Variants in MYOF observed in about 807,000 individuals in gnomAD.
MYOF encodes the protein fer-1-like 3, myoferlin.
In MYOF, 244 loss-of-function variants were observed where a neutral mutation model predicts 284.2. The observed-to-expected ratio is 0.86, with a 90% CI of 0.77 to 0.95. MYOF has a LOEUF of 0.95. Among genes scored for constraint, MYOF ranks in the 40% least tolerant of loss-of-function variants. The probability of loss-of-function intolerance (pLI) is 0.00; values close to 1 mark genes in which losing one functional copy is unlikely to be tolerated. For synonymous variants in MYOF, 904 were observed against 919.7 expected (o/e 0.98, Z 0.31); for missense variants, 2,496 against 2,560.6 (o/e 0.97, Z 0.54).
chr10:93,471,782 AG>A (rs1490940880), intron 1 of MYOF, among the ~76,000 whole-genome samples: 1 of 151,832 alleles, frequency 6.6e-6, no homozygotes, highest in Non-Finnish European at 1.5e-5. Flanking sequence ...CTAGCTACTC[AG>A]GAGGCTGAGG....
intron 2 of MYOF, among the ~76,000 whole-genome samples, chr10:93,452,684 C>A (rs947567701): frequency 2.6e-5 from 4 of 151,514 alleles, no homozygotes; most frequent in Admixed American, 2.6e-4. Context: ...TGCACATGTA[C>A]CCTAGAACTT....
At position 93,310,455 on chromosome 10, in the gene MYOF, C is replaced by T. The variant is rs555254649; in HGVS notation, c.5999+79G>A. The T allele has an allele frequency of 3.6e-5, 50 of 1,406,318 alleles. No individual in the cohort carries two copies. In the South Asian group the frequency reaches 4.5e-4, roughly 13 times the overall value. The allele number at this position is 1,406,318 out of a possible 1,614,324, so 87.1% of individuals were successfully genotyped here. On this transcript the variant is annotated intron_variant, in intron 52 of 53. Coordinates refer to ENST00000359263, the MANE Select transcript of MYOF (RefSeq NM_013451.4). ...ATTAGGAGGACCACAAAAGCTAATCCATCCCATTAAGCCAATGGGAAGGGG... is the reference window on the plus strand; with the variant it reads ...ATTAGGAGGACCACAAAAGCTAATCTATCCCATTAAGCCAATGGGAAGGGG...
intron 44 of MYOF, 70 bp downstream of exon 44, chr10:93,329,594 G>C: frequency 6.5e-7 from 1 of 1,540,998 alleles, no homozygotes; most frequent in East Asian, 2.2e-5. Flanking sequence ...CTAAGGTAGA[G>C]GGCCTAGGCC....
At chr10:93,466,810 C>CA (rs1163081354) in intron 1 of MYOF, among the ~76,000 whole-genome samples, 2 of 152,222 alleles carry the variant, frequency 1.3e-5, no homozygotes, top group South Asian at 2.1e-4. Context: ...TCCATCTCTA[C>CA]AAAAAATTTA....
At chr10:93,481,573 C>T (rs1314243838) in intron 1 of MYOF, among the ~76,000 whole-genome samples, 1 of 152,072 alleles carries the variant, frequency 6.6e-6, no homozygotes, top group Non-Finnish European at 1.5e-5. Flanking sequence ...AAAAGCTCCC[C>T]AACAGTTTAG....
intron 25 of MYOF, among the ~76,000 whole-genome samples, chr10:93,366,951 A>G (rs1845353626): frequency 6.6e-6 from 1 of 152,218 alleles, no homozygotes; most frequent in South Asian, 2.1e-4. Context: ...TCCTCAGCTT[A>G]TGAATGAGCA....
At chr10:93,457,397 T>C (rs2056769197) in intron 1 of MYOF, among the ~76,000 whole-genome samples, 2 of 152,250 alleles carry the variant, frequency 1.3e-5, no homozygotes, top group Non-Finnish European at 2.9e-5. Context: ...TGTGCTAAGA[T>C]GCCAACACAG....
At chr10:93,325,247 CT>C (rs1423345170) in intron 46 of MYOF, among the ~76,000 whole-genome samples, 2 of 152,306 alleles carry the variant, frequency 1.3e-5, no homozygotes, top group African/African-American at 4.8e-5. Flanking sequence ...CCATGTCTTG[CT>C]TTGCTTCTGT....
rs199694901 is a variant in MYOF, at chr10:93,387,947, G to A, written c.1582-34C>T. ...CAATAATCCAGGATTATTCCTCTAG[G>A]CAGCAACAGCAAAAAGAATTCTGTG... On this transcript the variant is annotated intron_variant, in intron 18 of 53. Coordinates refer to ENST00000359263, the MANE Select transcript of MYOF (RefSeq NM_013451.4). 40 of 1,521,308 alleles carry A rather than the reference G, an allele frequency of 2.6e-5. No homozygotes were observed. The Middle Eastern group carries it at 5.1e-4, about 19-fold the overall frequency. 94.2% of individuals were successfully genotyped at this position (1,521,308 alleles called of 1,614,324 possible). A position where few individuals can be genotyped will look rare whatever the true frequency, so the allele number is the denominator to read the frequency against.
At chr10:93,381,116 A>AATG in intron 20 of MYOF, 103 bp downstream of exon 20, 1 of 1,251,462 alleles carries the variant, frequency 8.0e-7, no homozygotes, top group Non-Finnish European at 1.1e-6. Context: ...CACTAACCAT[A>AATG]GGCTGCGTAG....
chr10:93,476,245 CTTTTTT>C (rs67108011), intron 1 of MYOF, among the ~76,000 whole-genome samples: 1 of 64,998 alleles, frequency 1.5e-5, no homozygotes, highest in Non-Finnish European at 2.6e-5. Flanking sequence ...CTTCCCCATT[CTTTTTT>C]TTTTTTTTTT....
chr10:93,466,973 A>C (rs7923793), intron 1 of MYOF, among the ~76,000 whole-genome samples: 7,127 of 152,004 alleles, frequency 0.047, 225 homozygotes, highest in Non-Finnish European at 0.07. Flanking sequence ...GCAAGACCCT[A>C]TCTCAAACAA....
intron 43 of MYOF, among the ~76,000 whole-genome samples, chr10:93,331,636 G>A (rs1434294312): frequency 1.3e-5 from 2 of 150,690 alleles, no homozygotes; most frequent in Non-Finnish European, 3.0e-5. Flanking sequence ...ATCATATTGC[G>A]GTGCCAGAGG....
At chr10:93,368,331 C>T (rs1205561764) in intron 25 of MYOF, among the ~76,000 whole-genome samples, 1 of 152,224 alleles carries the variant, frequency 6.6e-6, no homozygotes, top group Admixed American at 6.5e-5. Context: ...AAGTGGTCCC[C>T]ACTCTCGCCC....
chr10:93,347,538 G>A (rs1317241029), intron 37 of MYOF, 79 bp downstream of exon 37: 7 of 1,214,436 alleles, frequency 5.8e-6, no homozygotes, highest in Middle Eastern at 3.2e-4. Context: ...CGGCCTGGGC[G>A]ACAGAGCGAG....
rs574033693 is a variant in MYOF, at chr10:93,398,651, C to T, written c.1221+741G>A. On this transcript the variant is annotated intron_variant, in intron 13 of 53. Transcript: ENST00000359263. ...GAATTTAATTCAGGCCTCATTTTGC[C>T]CCAGAGCTGAAGGCTTTTCTACCAC... 6.6e-5 allele frequency among the ~76,000 whole-genome samples: 10 copies of T among 152,168 alleles called. No homozygotes were observed. The South Asian group carries it at 1.9e-3, about 28-fold the overall frequency.
chr10:93,313,279 G>A, intron 50 of MYOF, 69 bp from the exon 51 acceptor site: 1 of 1,447,028 alleles, frequency 6.9e-7, no homozygotes, highest in Non-Finnish European at 9.5e-7. Flanking sequence ...CAAGTGAACA[G>A]AACGTTCTTA....
rs775649523 is a variant in MYOF, at chr10:93,310,690, A to G, written c.5890-47T>C. On this transcript the variant is annotated intron_variant, in intron 51 of 53. Transcript: ENST00000359263. ...TAAACATATGACATCATGTTTCACA[A>G]ATATTTTTACTTCAACCCAAGGAGT... The G allele has an allele frequency of 1.9e-6, 3 of 1,561,676 alleles. No homozygotes were observed. In the East Asian group the frequency reaches 6.8e-5, roughly 35 times the overall value.
intron 5 of MYOF, among the ~76,000 whole-genome samples, chr10:93,411,025 A>G (rs977926498): frequency 6.6e-6 from 1 of 152,218 alleles, no homozygotes; most frequent in East Asian, 1.9e-4. Context: ...TAAAGAGGGG[A>G]AAATAATAGT....
Sources: gnomAD v4.1 joint callset for allele counts (sites outside exome capture counted in the v4.1 genomes callset) on GRCh38, gnomAD v4.1.1 for gene constraint, MANE v1.5 for transcripts, NCBI Gene and HGNC (gene_info 2026-07-23, HGNC 2026-07-21) for gene names.